MAML1: variants seen among roughly 807,000 people sequenced by gnomAD.
The protein encoded by MAML1 is mastermind like transcriptional coactivator 1, also known as mastermind-like protein 1.
Under a neutral mutation model 77.1 loss-of-function variants are expected in MAML1, and 14 were observed. That is an observed-to-expected ratio of 0.18 (90% CI 0.12 to 0.28). MAML1 has a LOEUF of 0.28. Ranked by LOEUF, MAML1 falls within the 10% of genes least tolerant of loss-of-function variation. The probability of loss-of-function intolerance (pLI) is 1.00; values close to 1 mark genes in which losing one functional copy is unlikely to be tolerated. For missense variants in MAML1, 1,217 were observed against 1,327.8 expected (o/e 0.92, Z 1.30); for synonymous variants, 516 against 551.9 (o/e 0.93, Z 0.91).
intron 1 of MAML1, among the ~76,000 whole-genome samples, chr5:179,741,442 T>C (rs922514108): frequency 1.3e-5 from 2 of 152,066 alleles, no homozygotes; most frequent in East Asian, 1.9e-4. Flanking sequence ...CCCAGCACTT[T>C]GAGAGGCTGA....
At chr5:179,756,884 G>A (rs969806684) in intron 1 of MAML1, among the ~76,000 whole-genome samples, 1 of 152,152 alleles carries the variant, frequency 6.6e-6, no homozygotes, top group Non-Finnish European at 1.5e-5. Context: ...CTGAGACAGG[G>A]TGCATGAGAG....
intron 1 of MAML1, among the ~76,000 whole-genome samples, chr5:179,745,735 C>T (rs1381380250): frequency 6.6e-6 from 1 of 151,696 alleles, no homozygotes; most frequent in African/African-American, 2.4e-5. Context: ...TGGCGGGCGT[C>T]TGTAGTCCCA....
intron 1 of MAML1, among the ~76,000 whole-genome samples, chr5:179,753,476 G>T (rs946629789): frequency 3.3e-5 from 5 of 151,962 alleles, no homozygotes; most frequent in African/African-American, 1.2e-4. Context: ...TATTTGTAAA[G>T]GGAATAAGGG....
At chr5:179,743,589 TCTC>T (rs1779324543) in intron 1 of MAML1, among the ~76,000 whole-genome samples, 1 of 151,322 alleles carries the variant, frequency 6.6e-6, no homozygotes, top group Admixed American at 6.6e-5. Context: ...CCAGCCTCGA[TCTC>T]CTAACCTTGC....
Position 179,766,534 on chromosome 5 carries a change from T to G in MAML1, c.1524T>G (p.Ser508=), listed in dbSNP as rs1180841759. 1 of 1,599,896 alleles carries G rather than the reference T, an allele frequency of 6.3e-7. No individual in the cohort carries two copies. The highest frequency in any genetic ancestry group is 1.3e-5 in the African/African-American group (1 of 74,322). ...LNQNSANNQG[S]VLDYGNTKPL... Reference sequence around the variant, plus strand: ...AGAACTCCGCGAATAACCAGGGGTCTGTGCTGGACTACGGCAATACAAAAC... The same window carrying G: ...AGAACTCCGCGAATAACCAGGGGTCGGTGCTGGACTACGGCAATACAAAAC... Residue 508 remains serine, a synonymous_variant, in exon 2 of 5, where the codon TCT becomes TCG. Coordinates refer to ENST00000292599, the MANE Select transcript of MAML1 (RefSeq NM_014757.5). This position sits in a 1 kb window ranked among gnomAD's most constrained non-coding sequence, Gnocchi z 4.0.
chr5:179,760,155 A>G (rs1458479872), intron 1 of MAML1, among the ~76,000 whole-genome samples: 1 of 152,170 alleles, frequency 6.6e-6, no homozygotes, highest in Non-Finnish European at 1.5e-5. Context: ...AGAGCTCTGC[A>G]GAGGTGGGGC....
chr5:179,759,140 C>T (rs1414548241), intron 1 of MAML1, among the ~76,000 whole-genome samples: 5 of 152,184 alleles, frequency 3.3e-5, no homozygotes, highest in African/African-American at 4.8e-5. Flanking sequence ...GAAACTGACT[C>T]ACTCTGTCCT....
Position 179,768,877 on chromosome 5 carries a change from C to G in MAML1, c.1759C>G (p.Gln587Glu). 1 of 1,614,184 alleles carries G rather than the reference C, an allele frequency of 6.2e-7. No individual in the cohort carries two copies. The highest frequency in any genetic ancestry group is 8.5e-7 in the Non-Finnish European group (1 of 1,180,030). The part of the protein sequence containing the change: ...QEQNPSSVPV[Q>E]AQATSVGTQP... ...GCAGAACCCTTCCAGTGTCCCTGTG[C>G]AAGCCCAGGCTACCAGTGTTGGGAC... is the stretch of plus-strand genomic sequence containing the variant. Residue 587 changes from glutamine to glutamate, a missense_variant, in exon 3 of 5, where the codon CAA becomes GAA. By Grantham distance (29) the Gln-to-Glu change is conservative. Around this residue, in one of 3 missense-constraint regions of MAML1, gnomAD observed 884 missense variants for 949.3 expected, o/e 0.93. Transcript: ENST00000292599.
chr5:179,770,223 C>T (rs544161801), intron 3 of MAML1, among the ~76,000 whole-genome samples: 126 of 152,036 alleles, frequency 8.3e-4, no homozygotes, highest in Non-Finnish European at 1.5e-3. Context: ...CCGAGGTGGG[C>T]GGATCACGAG....
At chr5:179,738,385 G>A (rs903654423) in intron 1 of MAML1, among the ~76,000 whole-genome samples, 26 of 152,178 alleles carry the variant, frequency 1.7e-4, no homozygotes, top group African/African-American at 5.8e-4. Flanking sequence ...TTTCCAGGAA[G>A]TAGATATTTC....
intron 1 of MAML1, among the ~76,000 whole-genome samples, chr5:179,751,220 G>A (rs1048910040): frequency 3.9e-5 from 6 of 151,982 alleles, no homozygotes; most frequent in African/African-American, 2.4e-5. Flanking sequence ...TGATCCACCC[G>A]CCTCGGCCTC....
intron 1 of MAML1, among the ~76,000 whole-genome samples, chr5:179,744,111 G>A (rs903832000): frequency 2.0e-5 from 3 of 152,040 alleles, no homozygotes; most frequent in African/African-American, 7.2e-5. Context: ...TTATTTTAAC[G>A]TAATATATGT....
chr5:179,742,074 T>C (rs1310211952), intron 1 of MAML1, among the ~76,000 whole-genome samples: 2 of 151,428 alleles, frequency 1.3e-5, no homozygotes, highest in African/African-American at 2.4e-5. Context: ...GGTTTCACCA[T>C]GTTTGCCAGA....
chr5:179,740,432 G>A (rs562395271), intron 1 of MAML1, among the ~76,000 whole-genome samples: 6 of 151,938 alleles, frequency 3.9e-5, no homozygotes, highest in African/African-American at 1.2e-4. Context: ...CACCACACCC[G>A]GCTAATTTTT....
intron 1 of MAML1, among the ~76,000 whole-genome samples, chr5:179,758,857 G>A (rs1351351215): frequency 6.6e-6 from 1 of 152,096 alleles, no homozygotes; most frequent in Non-Finnish European, 1.5e-5. Context: ...ACAAAAATTA[G>A]CCAGGCATGG....
At chr5:179,740,649 G>T (rs1170859358) in intron 1 of MAML1, among the ~76,000 whole-genome samples, 1 of 152,070 alleles carries the variant, frequency 6.6e-6, no homozygotes, top group African/African-American at 2.4e-5. Context: ...AGGAGTGGAT[G>T]CATATAAAGC....
intron 1 of MAML1, among the ~76,000 whole-genome samples, chr5:179,763,006 A>C (rs1562567864): frequency 6.6e-6 from 1 of 152,332 alleles, no homozygotes; most frequent in East Asian, 1.9e-4. Context: ...TGTAATTGTT[A>C]GGGCAAAGAA....
intron 2 of MAML1, 77 bp from the exon 3 acceptor site, chr5:179,768,773 C>T (rs1370842647): frequency 3.7e-5 from 57 of 1,543,788 alleles, no homozygotes; most frequent in Non-Finnish European, 5.0e-5. Flanking sequence ...AGAGAGTGAA[C>T]CTTGAATTCA....
At chr5:179,754,268 C>T (rs1280746974) in intron 1 of MAML1, among the ~76,000 whole-genome samples, 10 of 152,010 alleles carry the variant, frequency 6.6e-5, no homozygotes, top group African/African-American at 2.4e-4. Context: ...GGTAACAGAG[C>T]GAGACGCTGT....
Sources: gnomAD v4.1 joint callset for allele counts (sites outside exome capture counted in the v4.1 genomes callset) on GRCh38, gnomAD v4.1.1 for gene constraint, gnomAD v4.1.1 regional missense constraint, Gnocchi (gnomAD v3.1) non-coding constraint, MANE v1.5 for transcripts, NCBI Gene and HGNC (gene_info 2026-07-23, HGNC 2026-07-21) for gene names.